The following SWAP70 variants were observed in gnomAD, a reference collection of about 807,000 sequenced individuals.
SWAP70 encodes the protein switching B cell complex subunit SWAP70, also known as switch-associated protein 70.
Under a neutral mutation model 80.2 loss-of-function variants are expected in SWAP70, and 34 were observed. That is an observed-to-expected ratio of 0.42 (90% CI 0.32 to 0.56). The LOEUF is 0.56. Ranked by LOEUF, SWAP70 falls within the 20% of genes least tolerant of loss-of-function variation. The pLI is 0.09. For missense variants in SWAP70, 578 were observed against 690.7 expected (o/e 0.84, Z 1.83); for synonymous variants, 239 against 238.5 (o/e 1.00, Z -0.02).
Position 9,698,851 on chromosome 11 carries a change from T to C in SWAP70, c.240+4565T>C, listed in dbSNP as rs138725366. ...CATGATGCTTTGCAATGTGTATACA[T>C]TGTGGAATGGTAAAGTGAAACTAGG... On this transcript the variant is annotated intron_variant, in intron 2 of 11. Coordinates refer to ENST00000318950, the MANE Select transcript of SWAP70 (RefSeq NM_015055.4). Among the ~76,000 whole-genome samples, 51 of 152,312 alleles carry C rather than the reference T, an allele frequency of 3.3e-4. 1 individual carries two copies. The South Asian group carries it at 5.8e-3, about 17-fold the overall frequency.
intron 1 of SWAP70, among the ~76,000 whole-genome samples, chr11:9,666,053 C>T (rs1850302884): frequency 6.7e-6 from 1 of 148,728 alleles, no homozygotes. Context: ...CTTTTTCTTC[C>T]ATCTTTGGGA....
At chr11:9,694,681 C>G (rs1054777405) in intron 2 of SWAP70, among the ~76,000 whole-genome samples, 2 of 152,140 alleles carry the variant, frequency 1.3e-5, no homozygotes, top group Admixed American at 6.5e-5. Flanking sequence ...CAAAAGAAGA[C>G]ATTTACACGG....
At chr11:9,685,792 C>T (rs1018424242) in intron 1 of SWAP70, among the ~76,000 whole-genome samples, 1 of 152,128 alleles carries the variant, frequency 6.6e-6, no homozygotes, top group South Asian at 2.1e-4. Flanking sequence ...CACCACCACG[C>T]CCGGCTAATT....
At chr11:9,732,256 G>A (rs1189869518) in intron 6 of SWAP70, among the ~76,000 whole-genome samples, 1 of 152,106 alleles carries the variant, frequency 6.6e-6, no homozygotes, top group East Asian at 1.9e-4. Context: ...CAGAATTTTG[G>A]AGCGAGAAAG....
intron 3 of SWAP70, among the ~76,000 whole-genome samples, chr11:9,714,766 A>G (rs1326939152): frequency 1.3e-5 from 2 of 151,298 alleles, no homozygotes; most frequent in African/African-American, 2.4e-5. Flanking sequence ...CAGGATGCTT[A>G]CTTAGAAACA....
intron 1 of SWAP70, among the ~76,000 whole-genome samples, chr11:9,691,141 C>T (rs1850692957): frequency 6.6e-6 from 1 of 152,182 alleles, no homozygotes; most frequent in Admixed American, 6.5e-5. Flanking sequence ...TGGTATTGAA[C>T]TTCTGGGCTC....
intron 1 of SWAP70, among the ~76,000 whole-genome samples, chr11:9,679,472 C>T (rs764361097): frequency 3.3e-5 from 5 of 152,084 alleles, no homozygotes; most frequent in Non-Finnish European, 7.4e-5. Context: ...TGAAATTTAG[C>T]CTTCTAACTG....
At chr11:9,692,955 C>A (rs1321686516) in intron 1 of SWAP70, among the ~76,000 whole-genome samples, 1 of 152,070 alleles carries the variant, frequency 6.6e-6, no homozygotes, top group Non-Finnish European at 1.5e-5. Flanking sequence ...AGAAAAGGAT[C>A]TCCACATAAA....
At position 9,717,678 on chromosome 11, in the gene SWAP70, T is replaced by A. The variant is rs1160841612; in HGVS notation, c.414+4039T>A. Among the ~76,000 whole-genome samples the A allele has an allele frequency of 2.2e-5, 3 of 133,612 alleles. No individual in the cohort carries two copies. In the East Asian group the frequency reaches 6.4e-4, roughly 28 times the overall value. The allele number at this position is 133,612 out of a possible 152,430, so 87.7% of individuals were successfully genotyped here. A position where few individuals can be genotyped will look rare whatever the true frequency, so the allele number is the denominator to read the frequency against. ...TTGTCTCAAAAAAAAAAAAAAAAAA[T>A]TACAGTATTTTAAAACATTTTGTAG... On this transcript the variant is annotated intron_variant, in intron 3 of 11. Transcript: ENST00000318950.
chr11:9,702,331 G>A (rs1850843142), intron 2 of SWAP70, among the ~76,000 whole-genome samples: 1 of 151,862 alleles, frequency 6.6e-6, no homozygotes, highest in South Asian at 2.1e-4. Context: ...CTTTCATGTG[G>A]TTCTTTTTTA....
At chr11:9,697,134 A>G (rs892856) in intron 2 of SWAP70, among the ~76,000 whole-genome samples, 101,700 of 151,732 alleles carry the variant, frequency 0.67, 34,435 homozygotes, top group South Asian at 0.85. Flanking sequence ...ATGTTTTTCT[A>G]TGGCTTCAGA....
At chr11:9,746,256 C>A (rs1284769977) in intron 9 of SWAP70, among the ~76,000 whole-genome samples, 3 of 152,122 alleles carry the variant, frequency 2.0e-5, no homozygotes, top group African/African-American at 7.2e-5. Context: ...GGAAATGAGC[C>A]CTACCTTCCA....
intron 7 of SWAP70, among the ~76,000 whole-genome samples, chr11:9,736,604 T>A (rs1024224343): frequency 1.3e-5 from 2 of 152,096 alleles, no homozygotes; most frequent in Non-Finnish European, 2.9e-5. Flanking sequence ...TGACTGTTGC[T>A]CCTCAGAGGC....
intron 3 of SWAP70, chr11:9,720,504 G>A: frequency 1.0e-6 from 1 of 985,112 alleles, no homozygotes; most frequent in Non-Finnish European, 1.2e-6. Flanking sequence ...AAGAGCTAAG[G>A]CTGATTCTTG....
intron 1 of SWAP70, among the ~76,000 whole-genome samples, chr11:9,668,931 TG>T (rs1180170756): frequency 6.6e-6 from 1 of 152,156 alleles, no homozygotes; most frequent in Admixed American, 6.6e-5. Flanking sequence ...GTTTAAACTT[TG>T]GTAGGCAAAT....
chr11:9,707,911 G>C (rs770264284), intron 2 of SWAP70, among the ~76,000 whole-genome samples: 20 of 151,958 alleles, frequency 1.3e-4, no homozygotes, highest in Non-Finnish European at 2.5e-4. Context: ...AATAGTTTTG[G>C]GGGAACAGGT....
chr11:9,678,407 T>A (rs1169244812), intron 1 of SWAP70, among the ~76,000 whole-genome samples: 1 of 151,722 alleles, frequency 6.6e-6, no homozygotes, highest in Admixed American at 6.6e-5. Flanking sequence ...GGATAATGAA[T>A]GTTGGATTAT....
Position 9,664,126 on chromosome 11 carries a change from G to C in SWAP70, c.-54G>C, listed in dbSNP as rs1323660413. 3 of 1,507,572 alleles carry C rather than the reference G, an allele frequency of 2.0e-6. No homozygotes were observed. The highest frequency in any genetic ancestry group is 2.9e-5 in the African/African-American group (2 of 69,928). The allele number at this position is 1,507,572 out of a possible 1,614,324, so 93.4% of individuals were successfully genotyped here. A position where few individuals can be genotyped will look rare whatever the true frequency, so the allele number is the denominator to read the frequency against. On this transcript the variant is annotated 5_prime_UTR_variant, in exon 1 of 12. Transcript: ENST00000318950. ...CTGCGGAGGTTGAGGGGCGTCCGAG[G>C]CGCGGAGGGGCTGGCTGGGCAGGAG...
intron 1 of SWAP70, among the ~76,000 whole-genome samples, chr11:9,691,521 G>C (rs575521725): frequency 1.3e-5 from 2 of 152,082 alleles, no homozygotes; most frequent in Middle Eastern, 3.2e-3. Flanking sequence ...TTTAATTGTC[G>C]AAGGCTGAAA....
Sources: allele counts gnomAD v4.1 joint callset (sites outside exome capture counted in the v4.1 genomes callset), GRCh38; gene constraint gnomAD v4.1.1; transcripts MANE v1.5; gene names NCBI Gene and HGNC (gene_info 2026-07-23, HGNC 2026-07-21).